Variants in ALS2CL observed in about 807,000 individuals in gnomAD.
The protein encoded by ALS2CL is ALS2 C-terminal like.
ALS2CL carries 112 observed loss-of-function variants against 127.9 expected under a neutral mutation model. The observed-to-expected ratio is 0.88, with a 90% CI of 0.75 to 1.02. The LOEUF is 1.02. Among genes scored for constraint, ALS2CL ranks in the 50% least tolerant of loss-of-function variants. The pLI, the probability that ALS2CL is intolerant of heterozygous loss-of-function variation, is 0.00. For missense variants in ALS2CL, 1,174 were observed against 1,236.7 expected, an observed-to-expected ratio of 0.95 and a Z score of 0.76; for synonymous variants, 519 against 527.6, an observed-to-expected ratio of 0.98 and a Z score of 0.22.
intron 7 of ALS2CL, among the ~76,000 whole-genome samples, chr3:46,684,280 C>T (rs1190474122): frequency 6.6e-6 from 1 of 152,204 alleles, no homozygotes; most frequent in Non-Finnish European, 1.5e-5. Context: ...CTCTAGCCCC[C>T]TGTGGCTACC....
Position 46,682,034 on chromosome 3 carries a change from C to A in ALS2CL, c.1170G>T (p.Glu390Asp), listed in dbSNP as rs576119531. ...NHVGNFCQGL[E>D]HGFGIRLLPQ... ...GTAGCCCCAGCCAGCCTTACCCATG[C>A]TCCAGGCCCTGGCAGAAATTCCCCA... Residue 390 changes from glutamate to aspartate, a missense_variant, in exon 11 of 26, where the codon GAG (glutamate) becomes GAT (aspartate). Coordinates refer to ENST00000318962, the MANE Select transcript of ALS2CL (RefSeq NM_147129.5). 1 of 1,614,004 alleles carries A rather than the reference C, an allele frequency of 6.2e-7. No individual in the cohort carries two copies. Among genetic ancestry groups the A allele is most frequent in the Admixed American group, 1.7e-5 (1 of 60,002 alleles).
rs1559463374 is a variant in ALS2CL at position 46,676,748 on chromosome 3, A to C, written c.1932-10T>G. 6.2e-7 allele frequency: 1 copy of C among 1,613,454 alleles called. No individual in the cohort carries two copies. The highest frequency in any genetic ancestry group is 8.5e-7 in the Non-Finnish European group (1 of 1,179,872). On this transcript the variant is annotated splice_polypyrimidine_tract_variant and intron_variant, in intron 17 of 25. Transcript: ENST00000318962. Reference sequence around the variant, plus strand: ...GTCCTCAGGGTGGGTCCTGGGCACCACACACAGCATCCCTCACCCACACCT... The same window carrying C: ...GTCCTCAGGGTGGGTCCTGGGCACCCCACACAGCATCCCTCACCCACACCT...
chr3:46,676,939 C>T lies in ALS2CL; in HGVS notation c.1841G>A (p.Cys614Tyr). The T allele has an allele frequency of 6.2e-7, 1 of 1,613,710 alleles. No individual in the cohort carries two copies. The highest frequency in any genetic ancestry group is 2.2e-5 in the East Asian group (1 of 44,876). ...CAGGGCCTCCTGCAGGTCCCTGGGG[C>T]AGCCAGCACACACAAAGTCCCGGAA... is the stretch of plus-strand genomic sequence containing the variant. Reference protein sequence around the residue: ...SPFRDFVCAGCPRDLQEALLG... With the variant: ...SPFRDFVCAGYPRDLQEALLG... Residue 614 changes from cysteine (C) to tyrosine (Y), a missense_variant, in exon 17 of 26, where the codon TGC becomes TAC. Physicochemically the swap from Cys to Tyr is radical, Grantham distance 194 (BLOSUM62 -2). Transcript: ENST00000318962.
chr3:46,692,231 G>A (rs1700201911), intron 1 of ALS2CL, among the ~76,000 whole-genome samples: 1 of 152,178 alleles, frequency 6.6e-6, no homozygotes. Context: ...TCCTGGAAGT[G>A]ATGAGGAGAG....
Position 46,681,238 on chromosome 3 carries a change from G to A in ALS2CL, c.1436+8C>T, listed in dbSNP as rs201927037. On this transcript the variant is annotated splice_region_variant and intron_variant, in intron 13 of 25. Transcript: ENST00000318962. This position sits in a 1 kb window ranked among gnomAD's most constrained non-coding sequence, Gnocchi z 4.9. ...CCGTCCTGGGAGTGGTGGCTGCAGGGCGCTCACCTGTCACCATCCTCCTCA... is the reference window on the plus strand; with the variant it reads ...CCGTCCTGGGAGTGGTGGCTGCAGGACGCTCACCTGTCACCATCCTCCTCA... 6.2e-7 allele frequency: 1 copy of A among 1,613,664 alleles called. No individual in the cohort carries two copies. The highest frequency in any genetic ancestry group is 1.7e-5 in the Admixed American group (1 of 60,012).
intron 15 of ALS2CL, among the ~76,000 whole-genome samples, chr3:46,678,986 G>A (rs546757776): frequency 2.0e-5 from 3 of 152,152 alleles, no homozygotes; most frequent in Non-Finnish European, 4.4e-5. Flanking sequence ...GGAGACCACC[G>A]GTACCCTCTG....
In ALS2CL at chr3:46,686,308, C is replaced by G. The variant is rs1384912194; in HGVS notation, c.666G>C (p.Arg222Ser). ...ACTGCCCCTCAGGCCCCCAACTCAC[C>G]CTCAGCCGGCCTCTCAGGGTGTGCC... Reference protein sequence around the residue: ...ALWHTLRGRLRDVLCTPAHRL... With the variant: ...ALWHTLRGRLSDVLCTPAHRL... Residue 222 changes from arginine to serine, a missense_variant and splice_region_variant, in exon 6 of 26, where the codon AGG (arginine) becomes AGC (serine). Arg to Ser is a moderately radical substitution (Grantham distance 110). Coordinates refer to ENST00000318962, the MANE Select transcript of ALS2CL (RefSeq NM_147129.5). The surrounding 1 kb of genome is among the most constrained non-coding windows in gnomAD (Gnocchi z 4.3). 1 of 1,607,648 alleles carries G rather than the reference C, an allele frequency of 6.2e-7. No individual in the cohort carries two copies. Among genetic ancestry groups the G allele is most frequent in the Non-Finnish European group, 8.5e-7 (1 of 1,177,018 alleles).
At position 46,683,801 on chromosome 3, in the gene ALS2CL, G is replaced by A. The variant is rs141781567; in HGVS notation, c.893C>T (p.Ala298Val). ...LTPEEEFSFC[A>V]KDSQGQAVWQ... ...ACTCACCTGGCCCTGGGAGTCCTTGGCACAAAAGGAGAACTCTTCTTCGGG... is the reference window on the plus strand; with the variant it reads ...ACTCACCTGGCCCTGGGAGTCCTTGACACAAAAGGAGAACTCTTCTTCGGG... The change falls in exon 9 of 26, where the codon GCC (alanine) becomes GTC (valine). Residue 298 changes from alanine to valine, a missense_variant. Physicochemically the swap from Ala to Val is moderately conservative, Grantham distance 64. Coordinates refer to ENST00000318962, the MANE Select transcript of ALS2CL (RefSeq NM_147129.5). The A allele has an allele frequency of 6.5e-4, 1,049 of 1,614,100 alleles. 1 individual carries two copies. The highest frequency in any genetic ancestry group is 7.5e-4 in the Non-Finnish European group (885 of 1,180,012).
rs1177066353 is a variant in ALS2CL, at chr3:46,686,022, G to A, written c.666+286C>T. 6.6e-6 allele frequency among the ~76,000 whole-genome samples: 1 copy of A among 152,238 alleles called. No homozygotes were observed. Among genetic ancestry groups the A allele is most frequent in the Non-Finnish European group, 1.5e-5 (1 of 68,044 alleles). ...CTGCAGGGGCAGTCCATGCCATGGTGGGCAGTGACGCAAGGGTGTGATCGG... is the reference window on the plus strand; with the variant it reads ...CTGCAGGGGCAGTCCATGCCATGGTAGGCAGTGACGCAAGGGTGTGATCGG... On this transcript the variant is annotated intron_variant, in intron 6 of 25. Coordinates refer to ENST00000318962, the MANE Select transcript of ALS2CL (RefSeq NM_147129.5). This position sits in a 1 kb window ranked among gnomAD's most constrained non-coding sequence, Gnocchi z 4.3.
intron 19 of ALS2CL, 35 bp downstream of exon 19, chr3:46,676,210 A>G (rs375656243): frequency 7.5e-6 from 12 of 1,598,966 alleles, no homozygotes; most frequent in Non-Finnish European, 1.0e-5. Context: ...CTAGTGTCAC[A>G]GGGCAGTAGC....
intron 9 of ALS2CL, 58 bp downstream of exon 9, chr3:46,683,724 C>A (rs550976815): frequency 6.3e-7 from 1 of 1,589,946 alleles, no homozygotes; most frequent in South Asian, 1.1e-5. Flanking sequence ...TACTTCTGCC[C>A]TCTTCCTACC....
At position 46,674,541 on chromosome 3, in the gene ALS2CL, C is replaced by T. The variant is rs192417449; in HGVS notation, c.2429+25G>A. The stretch of plus-strand genomic sequence containing the variant: ...AGTCGAGTTTGAGTCCTGGCTAACA[C>T]GGCACGGGGGAAGGGAAGGCTTACT... On this transcript the variant is annotated intron_variant, in intron 21 of 25. Transcript: ENST00000318962. The T allele has an allele frequency of 2.0e-4, 314 of 1,598,600 alleles. 2 individuals are homozygous for T. Among genetic ancestry groups the T allele is most frequent in the Middle Eastern group, 5.0e-4 (3 of 5,988 alleles).
intron 21 of ALS2CL, 93 bp from the exon 22 acceptor site, chr3:46,673,474 G>C (rs550771669): frequency 2.3e-6 from 3 of 1,307,114 alleles, no homozygotes; most frequent in East Asian, 5.1e-5. Context: ...TGTTTCCCCC[G>C]GCAGATCTGG....
chr3:46,674,432 C>T, intron 21 of ALS2CL, 134 bp downstream of exon 21: 1 of 1,193,718 alleles, frequency 8.4e-7, no homozygotes, highest in Non-Finnish European at 1.2e-6. Flanking sequence ...CTAGATCCAG[C>T]CACACCTGAA....
rs563570741 is a variant in ALS2CL, at chr3:46,688,944, G to A, written c.103+394C>T. Among the ~76,000 whole-genome samples the A allele has an allele frequency of 3.9e-5, 6 of 152,336 alleles. No individual in the cohort carries two copies. In the South Asian group the frequency reaches 1.0e-3, roughly 26 times the overall value. ...TCAGCGTTCCTTTAAAAAAGGAGCA[G>A]TCAGACTTGGCGCAGTGGCTCATGC... On this transcript the variant is annotated intron_variant, in intron 2 of 25. Coordinates refer to ENST00000318962, the MANE Select transcript of ALS2CL (RefSeq NM_147129.5).
At chr3:46,676,109 G>A (rs1416877263) in intron 19 of ALS2CL, 136 bp downstream of exon 19, 2 of 1,420,718 alleles carry the variant, frequency 1.4e-6, no homozygotes, top group Non-Finnish European at 1.9e-6. Context: ...CTCAGCAGCT[G>A]CACACTGACC....
At chr3:46,692,423 C>T (rs1420820698) in intron 1 of ALS2CL, among the ~76,000 whole-genome samples, 1 of 152,122 alleles carries the variant, frequency 6.6e-6, no homozygotes, top group East Asian at 1.9e-4. Flanking sequence ...CCCTCTCCCT[C>T]CCTCCAGTTC....
chr3:46,687,181 C>A, intron 4 of ALS2CL, 33 bp from the exon 5 acceptor site: 2 of 1,493,422 alleles, frequency 1.3e-6, no homozygotes, highest in Non-Finnish European at 1.8e-6. Context: ...ACCACCTTCA[C>A]CCCTTCCTCC....
rs544804472 is a variant in ALS2CL at position 46,686,951 on chromosome 3, C to T, written c.534+32G>A. 2 of 1,548,662 alleles carry T rather than the reference C, an allele frequency of 1.3e-6. No individual in the cohort carries two copies. The highest frequency in any genetic ancestry group is 1.4e-5 in the African/African-American group (1 of 73,392). On this transcript the variant is annotated intron_variant, in intron 5 of 25. Transcript: ENST00000318962. The surrounding 1 kb of genome is among the most constrained non-coding windows in gnomAD (Gnocchi z 4.3). ...GGGCCCTATCCCTCCCTTCCCTCGG[C>T]TTCCCCACATGCTGCTGCCCCTGGT...
Sources: gnomAD v4.1 joint callset for allele counts (sites outside exome capture counted in the v4.1 genomes callset) on GRCh38, gnomAD v4.1.1 for gene constraint, Gnocchi (gnomAD v3.1) non-coding constraint, MANE v1.5 for transcripts, NCBI Gene and HGNC (gene_info 2026-07-23, HGNC 2026-07-21) for gene names.